The following PTCHD1 variants were observed in gnomAD, a reference collection of about 807,000 sequenced individuals.
The protein encoded by PTCHD1 is patched domain-containing protein 1.
Under a neutral mutation model 34.6 loss-of-function variants are expected in PTCHD1, and 3 were observed. The observed-to-expected ratio is 0.09, with a 90% CI of 0.04 to 0.22. The LOEUF (loss-of-function observed/expected upper bound fraction) is 0.22, where lower values mean the gene tolerates loss of function less well. Ranked by LOEUF, PTCHD1 falls within the 10% of genes least tolerant of loss-of-function variation. PTCHD1 has a pLI of 1.00. For synonymous variants in PTCHD1, 305 were observed against 283.1 expected, an observed-to-expected ratio of 1.08 and a Z score of -0.77; for missense variants, 504 against 685.5, an observed-to-expected ratio of 0.74 and a Z score of 2.96.
At position 23,403,320 on chromosome X, in the gene PTCHD1, A is replaced by G. The variant is rs750832236; in HGVS notation, c.*9135A>G. On this transcript the variant is annotated 3_prime_UTR_variant, in exon 3 of 3. Transcript: ENST00000379361. ...ATTCTGGTCATAATAAACTATTTTC[A>G]AACTAGGAAAAAGTATCCAAATGCT... The G allele has an allele frequency of 8.9e-6, 1 of 112,305 alleles. No homozygotes were observed. Among genetic ancestry groups the G allele is most frequent in the Admixed American group, 9.4e-5 (1 of 10,595 alleles). 9.3% of individuals were successfully genotyped at this position (112,305 alleles called of 1,213,427 possible).
At chrX:23,378,416 T>C (rs1234764449) in intron 1 of PTCHD1, among the ~76,000 whole-genome samples, 12 of 112,279 alleles carry the variant, frequency 1.1e-4, no homozygotes, top group Non-Finnish European at 2.1e-4. Flanking sequence ...GACTACCTTG[T>C]TTTCTTATCT....
chrX:23,360,952 C>T (rs770500689), intron 1 of PTCHD1, among the ~76,000 whole-genome samples: 11 of 111,781 alleles, frequency 9.8e-5, no homozygotes, highest in Non-Finnish European at 1.5e-4. Context: ...CCTGTAGTTG[C>T]GTGGTTTTGA....
At chrX:23,334,401 C>T (rs1481650276), upstream of PTCHD1, 1 of 111,312 alleles carries the variant, frequency 9.0e-6, no homozygotes, top group Non-Finnish European at 1.9e-5. Flanking sequence ...CGCGCAGAGT[C>T]TCCTGGCGAT....
rs142123920 is a variant in PTCHD1 at position 23,354,496 on chromosome X, A to AATATATAT, written c.351+19288_351+19295dup. On this transcript the variant is annotated intron_variant, in intron 1 of 2. Transcript: ENST00000379361. ...TCAATCCCAAAATTTGAAGTACACA[A>AATATATAT]ATATATATATATATATATATATATA... Among the ~76,000 whole-genome samples, 8 of 95,813 alleles carry AATATATAT rather than the reference A, an allele frequency of 8.3e-5. No individual in the cohort carries two copies. In the South Asian group the frequency reaches 2.0e-3, roughly 24 times the overall value. The allele number at this position is 95,813 out of a possible 115,157, so 83.2% of individuals were successfully genotyped here. A position where few individuals can be genotyped will look rare whatever the true frequency, so the allele number is the denominator to read the frequency against.
chrX:23,354,609 G>C (rs1921749006), intron 1 of PTCHD1, among the ~76,000 whole-genome samples: 1 of 95,698 alleles, frequency 1.0e-5, no homozygotes, highest in South Asian at 5.0e-4. Context: ...GTCTCGCTCT[G>C]TCTCCCAGGC....
intron 1 of PTCHD1, among the ~76,000 whole-genome samples, chrX:23,353,410 A>C (rs1424290285): frequency 8.9e-6 from 1 of 112,471 alleles, no homozygotes; most frequent in Non-Finnish European, 1.9e-5. Context: ...AACATGGAGA[A>C]ACCCCGTCTC....
chrX:23,395,629 C>A lies in PTCHD1; in HGVS notation c.*1444C>A, dbSNP rs1489093494. On this transcript the variant is annotated 3_prime_UTR_variant, in exon 3 of 3. Coordinates refer to ENST00000379361, the MANE Select transcript of PTCHD1 (RefSeq NM_173495.3). Reference sequence around the variant, plus strand: ...ATCTACAGAAGAATGGTTCATAGATCTAAACAGAAATGGTTTAGATCTAAA... The same window carrying A: ...ATCTACAGAAGAATGGTTCATAGATATAAACAGAAATGGTTTAGATCTAAA... 1 of 111,878 alleles carries A rather than the reference C, an allele frequency of 8.9e-6. No homozygotes were observed. Among genetic ancestry groups the A allele is most frequent in the African/African-American group, 3.3e-5 (1 of 30,727 alleles). 9.2% of individuals were successfully genotyped at this position (111,878 alleles called of 1,213,427 possible).
At chrX:23,384,884 G>T (rs750367785) in intron 2 of PTCHD1, among the ~76,000 whole-genome samples, 1 of 111,777 alleles carries the variant, frequency 8.9e-6, no homozygotes, top group Admixed American at 9.5e-5. Context: ...TGGTAATTTT[G>T]TGTGGTTCAG....
chrX:23,366,036 A>T (rs1172594880), intron 1 of PTCHD1, among the ~76,000 whole-genome samples: 2 of 112,406 alleles, frequency 1.8e-5, no homozygotes, highest in Non-Finnish European at 3.8e-5. Context: ...CCAAATGTTT[A>T]ATCAGTACCA....
intron 1 of PTCHD1, among the ~76,000 whole-genome samples, chrX:23,335,580 A>G (rs1043996712): frequency 1.8e-5 from 2 of 112,882 alleles, no homozygotes; most frequent in Admixed American, 1.8e-4. Flanking sequence ...GAGCAGAACG[A>G]GAGAAGACAT....
Position 23,404,117 on chromosome X carries a change from T to A in PTCHD1, c.*9932T>A, listed in dbSNP as rs965714069. The stretch of plus-strand genomic sequence containing the variant: ...AGAAGCCCCCAAGTCACCTGGGAAA[T>A]GGCTCATGCCAAATACATGGAGTCC... On this transcript the variant is annotated 3_prime_UTR_variant, in exon 3 of 3. Transcript: ENST00000379361. The A allele has an allele frequency of 1.8e-5, 2 of 112,523 alleles. No homozygotes were observed. The highest frequency in any genetic ancestry group is 6.5e-5 in the African/African-American group (2 of 30,950). The allele number at this position is 112,523 out of a possible 1,213,427, so 9.3% of individuals were successfully genotyped here.
At position 23,380,445 on chromosome X, in the gene PTCHD1, G is replaced by A. The variant is rs572200263; in HGVS notation, c.1012+194G>A. 178 of 497,866 alleles carry A rather than the reference G, an allele frequency of 3.6e-4. 1 individual carries two copies. The South Asian group carries it at 4.2e-3, about 12-fold the overall frequency. The allele number at this position is 497,866 out of a possible 1,213,427, so 41.0% of individuals were successfully genotyped here. On this transcript the variant is annotated intron_variant, in intron 2 of 2. Transcript: ENST00000379361. ...ACCTAATCTGGTAAATGTGCCAGAA[G>A]TTCAAAGTCCTGGGTTCTAGCGCTG...
intron 1 of PTCHD1, among the ~76,000 whole-genome samples, chrX:23,361,862 C>G (rs189239016): frequency 1.8e-5 from 2 of 111,666 alleles, no homozygotes; most frequent in Non-Finnish European, 3.8e-5. Flanking sequence ...CAAAATCTCT[C>G]GGCATTTGTT....
chrX:23,349,604 C>A (rs940627073), intron 1 of PTCHD1, among the ~76,000 whole-genome samples: 4 of 111,601 alleles, frequency 3.6e-5, no homozygotes, highest in Admixed American at 2.9e-4. Flanking sequence ...GGGATCAATT[C>A]TCCAAGAAGA....
intron 1 of PTCHD1, among the ~76,000 whole-genome samples, chrX:23,339,613 C>T (rs1453949745): frequency 8.9e-6 from 1 of 112,296 alleles, no homozygotes; most frequent in African/African-American, 3.2e-5. Context: ...ACTGCTAGCT[C>T]GGGGTCACAA....
chrX:23,346,157 A>G (rs964214378), intron 1 of PTCHD1, among the ~76,000 whole-genome samples: 1 of 112,358 alleles, frequency 8.9e-6, no homozygotes, highest in Non-Finnish European at 1.9e-5. Flanking sequence ...AGCAAATCAG[A>G]TGGTACAGCA....
chrX:23,373,551 C>G (rs1364317256), intron 1 of PTCHD1, among the ~76,000 whole-genome samples: 1 of 112,724 alleles, frequency 8.9e-6, no homozygotes, highest in Non-Finnish European at 1.9e-5. Context: ...TTGCTTTTGG[C>G]TGCACTACAA....
At chrX:23,356,879 G>A (rs181043639) in intron 1 of PTCHD1, among the ~76,000 whole-genome samples, 2 of 111,908 alleles carry the variant, frequency 1.8e-5, no homozygotes, top group East Asian at 5.6e-4. Flanking sequence ...GCACACAGGA[G>A]CTGAAGAGTG....
chrX:23,342,009 T>G (rs957357682), intron 1 of PTCHD1, among the ~76,000 whole-genome samples: 2 of 109,396 alleles, frequency 1.8e-5, no homozygotes, highest in Admixed American at 9.9e-5. Context: ...CAGAAAAGGC[T>G]GATAGGGGAG....
Sources: allele counts gnomAD v4.1 joint callset (sites outside exome capture counted in the v4.1 genomes callset), GRCh38; gene constraint gnomAD v4.1.1; transcripts MANE v1.5; gene names NCBI Gene and HGNC (gene_info 2026-07-23, HGNC 2026-07-21).